The following SPATA6L variants were observed in gnomAD, a reference collection of about 807,000 sequenced individuals.
SPATA6L encodes the protein spermatogenesis associated 6 like, also known as spermatogenesis associated 6-like protein.
Under a neutral mutation model 49.2 loss-of-function variants are expected in SPATA6L, and 68 were observed. The observed-to-expected ratio is 1.38, with a 90% CI of 1.14 to 1.69. The LOEUF is 1.69. SPATA6L is among the 40% of genes most tolerant of loss of function. SPATA6L has a pLI of 0.00. For synonymous variants in SPATA6L, 198 were observed against 165.7 expected (o/e 1.19, Z -1.50); for missense variants, 668 against 464.3 (o/e 1.44, Z -4.03).
chr9:4,662,059 A>C lies in SPATA6L; in HGVS notation c.40-23T>G. 1 of 1,611,928 alleles carries C rather than the reference A, an allele frequency of 6.2e-7. No homozygotes were observed. Among genetic ancestry groups the C allele is most frequent in the Non-Finnish European group, 8.5e-7 (1 of 1,178,940 alleles). On this transcript the variant is annotated intron_variant, in intron 1 of 11. Coordinates refer to ENST00000682582, the MANE Select transcript of SPATA6L (RefSeq NM_001353486.2). This position sits in a 1 kb window ranked among gnomAD's most constrained non-coding sequence, Gnocchi z 4.9. ...AATCTTAAAAAGAAAGAAAACAACA[A>C]ACAAGGGAGAGAAAACAGACTTTGC...
intron 9 of SPATA6L, among the ~76,000 whole-genome samples, chr9:4,612,108 G>A (rs1826902936): frequency 6.6e-6 from 1 of 151,940 alleles, no homozygotes; most frequent in Non-Finnish European, 1.5e-5. Flanking sequence ...CCAAAGAGCT[G>A]GGACTACAGG....
intron 1 of SPATA6L, chr9:4,663,397 A>T: frequency 1.1e-6 from 1 of 934,532 alleles, no homozygotes; most frequent in Non-Finnish European, 1.7e-6. Flanking sequence ...GTGTCCCATG[A>T]TCTTGATGTG....
At position 4,625,418 on chromosome 9, in the gene SPATA6L, C is replaced by G. The variant is rs775750669; in HGVS notation, c.578G>C (p.Arg193Thr). Reference sequence around the variant, plus strand: ...AGCTGGCTGGTCCTGGAAGAAATGCCTGGTAGAATATTGAGAGGGCGCCCG... The same window carrying G: ...AGCTGGCTGGTCCTGGAAGAAATGCGTGGTAGAATATTGAGAGGGCGCCCG... ...QARAPSQYST[R>T]HFFQDQPAQL... is the part of the protein sequence containing the mutation. Residue 193 changes from arginine to threonine, a missense_variant, in exon 6 of 12, where the codon AGG (arginine) becomes ACG (threonine). Coordinates refer to ENST00000682582, the MANE Select transcript of SPATA6L (RefSeq NM_001353486.2). 6.2e-7 allele frequency: 1 copy of G among 1,613,922 alleles called. No homozygotes were observed. Among genetic ancestry groups the G allele is most frequent in the Non-Finnish European group, 8.5e-7 (1 of 1,180,012 alleles).
intron 13 of SPATA6L, among the ~76,000 whole-genome samples, chr9:4,591,690 C>G (rs1821909060): frequency 6.6e-6 from 1 of 152,204 alleles, no homozygotes; most frequent in Non-Finnish European, 1.5e-5. Context: ...CCAAGGCTCT[C>G]TGCTCCATCA....
chr9:4,606,498 C>A (rs867603520), intron 9 of SPATA6L, among the ~76,000 whole-genome samples: 1 of 41,610 alleles, frequency 2.4e-5, no homozygotes, highest in Non-Finnish European at 5.8e-5. Context: ...CCCCTGACCC[C>A]CGAGCAGCCT....
At chr9:4,618,800 G>A in intron 8 of SPATA6L, 64 bp downstream of exon 8, 3 of 1,465,054 alleles carry the variant, frequency 2.0e-6, no homozygotes, top group Non-Finnish European at 2.8e-6. Context: ...ATTGGAAAAA[G>A]CACAATAATT....
At chr9:4,620,068 C>T (rs1054265081) in intron 7 of SPATA6L, among the ~76,000 whole-genome samples, 4 of 152,120 alleles carry the variant, frequency 2.6e-5, no homozygotes, top group African/African-American at 9.7e-5. Flanking sequence ...AGGCCATTTT[C>T]ATATCCTTTG....
At chr9:4,618,989 AT>A in intron 7 of SPATA6L, 91 bp from the exon 8 acceptor site, 2 of 1,122,404 alleles carry the variant, frequency 1.8e-6, no homozygotes, top group African/African-American at 1.6e-5. Flanking sequence ...CAGTACAAAA[AT>A]TTTAGACAAT....
At position 4,627,884 on chromosome 9, in the gene SPATA6L, TAAAG is replaced by T. The variant is rs776031194; in HGVS notation, c.429+1203_429+1206del. On this transcript the variant is annotated intron_variant, in intron 5 of 11. Coordinates refer to ENST00000682582, the MANE Select transcript of SPATA6L (RefSeq NM_001353486.2). ...AAGTGTCCATCAACAGATGAATGGA[TAAAG>T]AAATTATATTACATACACATAATGG... The T allele has an allele frequency of 1.5e-5, 16 of 1,044,450 alleles. 1 individual carries two copies. In the South Asian group the frequency reaches 2.0e-4, roughly 13 times the overall value. The allele number at this position is 1,044,450 out of a possible 1,614,324, so 64.7% of individuals were successfully genotyped here. A position where few individuals can be genotyped will look rare whatever the true frequency, so the allele number is the denominator to read the frequency against.
At chr9:4,639,517 C>T (rs1335306296) in intron 3 of SPATA6L, among the ~76,000 whole-genome samples, 1 of 152,212 alleles carries the variant, frequency 6.6e-6, no homozygotes, top group Non-Finnish European at 1.5e-5. Context: ...GACAGTCTCT[C>T]TGGTGTGGTC....
intron 1 of SPATA6L, chr9:4,665,292 TTGA>T (rs1488317587): frequency 1.3e-5 from 2 of 158,556 alleles, no homozygotes; most frequent in African/African-American, 4.8e-5. Flanking sequence ...AATTTTTGCC[TTGA>T]TGAGGAGGGA....
chr9:4,660,046 C>A (rs937121570), intron 2 of SPATA6L, among the ~76,000 whole-genome samples: 5 of 152,216 alleles, frequency 3.3e-5, no homozygotes, highest in Non-Finnish European at 7.3e-5. Context: ...GGATTAAAGA[C>A]TTAAATGTTA....
chr9:4,601,134 T>TA (rs1205598417), intron 11 of SPATA6L, among the ~76,000 whole-genome samples: 1 of 152,234 alleles, frequency 6.6e-6, no homozygotes, highest in East Asian at 1.9e-4. Context: ...GTTGAGCTGT[T>TA]AAACGTGTTC....
At chr9:4,647,311 G>A (rs956271579) in intron 3 of SPATA6L, among the ~76,000 whole-genome samples, 3 of 152,062 alleles carry the variant, frequency 2.0e-5, no homozygotes, top group South Asian at 4.1e-4. Flanking sequence ...ACTTTTCAAG[G>A]CCAGGCACAG....
chr9:4,666,050 G>A (rs534235053), intron 1 of SPATA6L, among the ~76,000 whole-genome samples, 162 bp downstream of exon 1: 1 of 137,034 alleles, frequency 7.3e-6, no homozygotes, highest in African/African-American at 3.1e-5. Context: ...TAGGAAGTCA[G>A]GGAAAACCAA....
chr9:4,610,161 G>A (rs1826328151), intron 9 of SPATA6L, among the ~76,000 whole-genome samples: 1 of 152,028 alleles, frequency 6.6e-6, no homozygotes, highest in South Asian at 2.1e-4. Flanking sequence ...ACAAACAAAT[G>A]GAAGAACATT....
intron 13 of SPATA6L, among the ~76,000 whole-genome samples, chr9:4,589,265 C>T (rs1032445158): frequency 6.6e-6 from 1 of 152,230 alleles, no homozygotes; most frequent in Non-Finnish European, 1.5e-5. Flanking sequence ...CTAACGAATG[C>T]TAGTGCCTCT....
At chr9:4,621,853 A>C (rs144597457) in intron 7 of SPATA6L, among the ~76,000 whole-genome samples, 2 of 152,280 alleles carry the variant, frequency 1.3e-5, no homozygotes, top group Non-Finnish European at 2.9e-5. Context: ...TACTGATATT[A>C]TCCACATCAA....
intron 3 of SPATA6L, among the ~76,000 whole-genome samples, chr9:4,655,059 A>G (rs1384664220): frequency 6.6e-6 from 1 of 152,242 alleles, no homozygotes; most frequent in Admixed American, 6.5e-5. Context: ...CCCAAGAGGC[A>G]TTAAAACATA....
Sources: allele counts gnomAD v4.1 joint callset (sites outside exome capture counted in the v4.1 genomes callset), GRCh38; gene constraint gnomAD v4.1.1; non-coding constraint Gnocchi (gnomAD v3.1); transcripts MANE v1.5; gene names NCBI Gene and HGNC (gene_info 2026-07-23, HGNC 2026-07-21).